The following ZNF804B variants were observed in gnomAD, a reference collection of about 807,000 sequenced individuals.
ZNF804B encodes zinc finger protein 804B, also known as zinc finger 804B.
A neutral mutation model predicts 101.4 loss-of-function variants in ZNF804B; 80 were observed. The observed-to-expected ratio is 0.79, with a 90% CI of 0.66 to 0.95. The LOEUF (loss-of-function observed/expected upper bound fraction) is 0.95, where lower values mean the gene tolerates loss of function less well. Among genes scored for constraint, ZNF804B ranks in the 40% least tolerant of loss-of-function variants. The probability of loss-of-function intolerance (pLI) is 0.00; values close to 1 mark genes in which losing one functional copy is unlikely to be tolerated. For synonymous variants in ZNF804B, 622 were observed against 558.8 expected (o/e 1.11, Z -1.59); for missense variants, 1,673 against 1,561.9 (o/e 1.07, Z -1.20).
intron 2 of ZNF804B, among the ~76,000 whole-genome samples, chr7:89,235,034 G>A (rs1789259164): frequency 6.6e-6 from 1 of 151,980 alleles, no homozygotes; most frequent in South Asian, 2.1e-4. Flanking sequence ...TCAATGCAGT[G>A]CTTAATCCAA....
chr7:89,205,135 A>C (rs2005555), intron 1 of ZNF804B, among the ~76,000 whole-genome samples: 89,488 of 151,926 alleles, frequency 0.59, 26,868 homozygotes, highest in African/African-American at 0.63. Flanking sequence ...TATATTCACT[A>C]TCACGAGAAC....
chr7:88,955,218 T>G (rs1793287443), intron 1 of ZNF804B, among the ~76,000 whole-genome samples: 1 of 151,674 alleles, frequency 6.6e-6, no homozygotes, highest in African/African-American at 2.4e-5. Flanking sequence ...GAGCCTCATA[T>G]TTCTGAGTCC....
At chr7:89,002,775 A>G (rs1788307950) in intron 1 of ZNF804B, among the ~76,000 whole-genome samples, 1 of 151,962 alleles carries the variant, frequency 6.6e-6, no homozygotes, top group African/African-American at 2.4e-5. Context: ...ATGGATGAGA[A>G]AAAAAGGAAG....
chr7:89,007,745 A>C (rs1219703848), intron 1 of ZNF804B, among the ~76,000 whole-genome samples: 1 of 150,616 alleles, frequency 6.6e-6, no homozygotes, highest in Non-Finnish European at 1.5e-5. Context: ...TGACTCATGA[A>C]ACTATAAGGT....
intron 1 of ZNF804B, among the ~76,000 whole-genome samples, chr7:89,065,573 A>C (rs188394082): frequency 6.6e-6 from 1 of 152,280 alleles, no homozygotes; most frequent in Non-Finnish European, 1.5e-5. Context: ...TTGCTGTAAC[A>C]AATTCCCACA....
chr7:88,945,986 T>G (rs1416611734), intron 1 of ZNF804B, among the ~76,000 whole-genome samples: 1 of 152,138 alleles, frequency 6.6e-6, no homozygotes, highest in African/African-American at 2.4e-5. Flanking sequence ...AAGGAGATTT[T>G]GGGCTGAGAT....
At chr7:89,292,307 C>A (rs1027118929) in intron 2 of ZNF804B, among the ~76,000 whole-genome samples, 11 of 151,970 alleles carry the variant, frequency 7.2e-5, no homozygotes, top group Admixed American at 5.2e-4. Context: ...AGTAGAAAGA[C>A]AAAAAGTTGA....
At chr7:88,798,174 C>CACATGTGT (rs1790520830) in intron 1 of ZNF804B, among the ~76,000 whole-genome samples, 3 of 152,172 alleles carry the variant, frequency 2.0e-5, no homozygotes, top group South Asian at 4.2e-4. Flanking sequence ...CTCTGATAAT[C>CACATGTGT]ACATGTGTCT....
At chr7:88,893,065 A>G (rs1003585796) in intron 1 of ZNF804B, among the ~76,000 whole-genome samples, 6 of 151,970 alleles carry the variant, frequency 3.9e-5, no homozygotes, top group Non-Finnish European at 7.4e-5. Flanking sequence ...AATTTAACCT[A>G]TTTGCTGAGG....
chr7:88,933,664 A>G (rs1158662389), intron 1 of ZNF804B, among the ~76,000 whole-genome samples: 1 of 151,990 alleles, frequency 6.6e-6, no homozygotes, highest in Non-Finnish European at 1.5e-5. Flanking sequence ...GTATCAAATC[A>G]TGAACTCAAT....
chr7:88,865,604 C>A (rs1791714830), intron 1 of ZNF804B, among the ~76,000 whole-genome samples: 1 of 152,102 alleles, frequency 6.6e-6, no homozygotes, highest in Non-Finnish European at 1.5e-5. Context: ...TCTGTGACCC[C>A]AAATTCCCTT....
intron 1 of ZNF804B, among the ~76,000 whole-genome samples, chr7:88,874,418 A>G (rs1179448994): frequency 6.6e-6 from 1 of 151,938 alleles, no homozygotes; most frequent in African/African-American, 2.4e-5. Context: ...GTCTGCAAAC[A>G]GGGACAATTT....
intron 1 of ZNF804B, among the ~76,000 whole-genome samples, chr7:88,845,276 T>C (rs1360806614): frequency 7.2e-6 from 1 of 138,776 alleles, no homozygotes; most frequent in Non-Finnish European, 1.5e-5. Flanking sequence ...TGCGCATGTG[T>C]GCGCACGCGC....
intron 1 of ZNF804B, among the ~76,000 whole-genome samples, chr7:88,981,353 G>T (rs1251634987): frequency 1.5e-4 from 23 of 151,996 alleles, no homozygotes; most frequent in Non-Finnish European, 4.4e-5. Flanking sequence ...ATTCTACTGT[G>T]GTTGAGCTAT....
At chr7:88,880,990 T>G (rs1172564966) in intron 1 of ZNF804B, among the ~76,000 whole-genome samples, 3 of 152,048 alleles carry the variant, frequency 2.0e-5, no homozygotes, top group Non-Finnish European at 4.4e-5. Flanking sequence ...ATCTAACCAT[T>G]GCACAAAAGG....
At position 89,231,283 on chromosome 7, in the gene ZNF804B, T is replaced by C. The variant is rs1789187313; in HGVS notation, c.249+12988T>C. Reference sequence around the variant, plus strand: ...ATAAATGTATAAGTTTATTTCTAGATTCTCTATTTCATTACTTTGACTTAT... The same window carrying C: ...ATAAATGTATAAGTTTATTTCTAGACTCTCTATTTCATTACTTTGACTTAT... On this transcript the variant is annotated intron_variant, in intron 2 of 3. Transcript: ENST00000333190. 3.3e-5 allele frequency among the ~76,000 whole-genome samples: 5 copies of C among 152,078 alleles called. No individual in the cohort carries two copies. In the South Asian group the frequency reaches 1.0e-3, roughly 31 times the overall value.
At chr7:89,018,768 T>C (rs1190523951) in intron 1 of ZNF804B, among the ~76,000 whole-genome samples, 1 of 152,048 alleles carries the variant, frequency 6.6e-6, no homozygotes, top group Non-Finnish European at 1.5e-5. Context: ...CTCTAGGTTG[T>C]TCAATTTGTT....
At chr7:88,874,396 T>C (rs954112756) in intron 1 of ZNF804B, among the ~76,000 whole-genome samples, 15 of 151,698 alleles carry the variant, frequency 9.9e-5, no homozygotes, top group South Asian at 6.3e-4. Context: ...TTTCTAGATA[T>C]ACAATCATGT....
intron 1 of ZNF804B, among the ~76,000 whole-genome samples, chr7:89,034,447 C>G (rs777514490): frequency 4.6e-5 from 7 of 151,820 alleles, no homozygotes; most frequent in Non-Finnish European, 1.0e-4. Context: ...TCCCCTCCCT[C>G]TGTCCATGTG....
Sources: allele counts gnomAD v4.1 joint callset (sites outside exome capture counted in the v4.1 genomes callset), GRCh38; gene constraint gnomAD v4.1.1; transcripts MANE v1.5; gene names NCBI Gene and HGNC (gene_info 2026-07-23, HGNC 2026-07-21).